Variants in FBXO30 observed in about 807,000 individuals in gnomAD.
FBXO30 encodes the protein F-box protein 30, also known as F-box only protein 30.
FBXO30 carries 21 observed loss-of-function variants against 58.1 expected under a neutral mutation model. The observed-to-expected ratio is 0.36, with a 90% CI of 0.26 to 0.52. The LOEUF (loss-of-function observed/expected upper bound fraction) is 0.52. FBXO30 is among the 20% of genes least tolerant of loss of function. The pLI is 0.93. For missense variants in FBXO30, 744 were observed against 897.3 expected (o/e 0.83, Z 2.18); for synonymous variants, 309 against 312.4 (o/e 0.99, Z 0.11).
intron 1 of FBXO30, chr6:145,809,947 T>A (rs566755448): frequency 2.0e-5 from 3 of 152,336 alleles, no homozygotes; most frequent in African/African-American, 7.2e-5. Flanking sequence ...CTGTAACTGG[T>A]GATCCAATGT....
chr6:145,814,025 C>A (rs1241172644), intron 1 of FBXO30, among the ~76,000 whole-genome samples: 2 of 152,110 alleles, frequency 1.3e-5, no homozygotes, highest in Non-Finnish European at 2.9e-5. Flanking sequence ...TGGAACAACA[C>A]AAATAACCTC....
In FBXO30 at chr6:145,805,427, G is replaced by A. The variant is rs754018447; in HGVS notation, c.979C>T (p.Pro327Ser). The A allele has an allele frequency of 1.2e-6, 2 of 1,613,846 alleles. No homozygotes were observed. Among genetic ancestry groups the A allele is most frequent in the Non-Finnish European group, 8.5e-7 (1 of 1,179,898 alleles). ...CVASSDGTSK[P>S]SSSLAVAAQL... ...GCTGCCACCGCAAGTGAGCTGGAAG[G>A]TTTTGAAGTGCCATCTGATGATGCC... Residue 327 changes from proline (P) to serine (S), a missense_variant, in exon 2 of 3, where the codon CCT becomes TCT. Around this residue, in one of 3 missense-constraint regions of FBXO30, gnomAD observed 275 missense variants for 262.0 expected, o/e 1.05. Coordinates refer to ENST00000237281, the MANE Select transcript of FBXO30 (RefSeq NM_032145.5).
At position 145,797,183 on chromosome 6, in the gene FBXO30, T is replaced by C. The variant is rs1205946768; in HGVS notation, c.*2923A>G. The C allele has an allele frequency of 6.6e-6, 1 of 151,940 alleles. No individual in the cohort carries two copies. Among genetic ancestry groups the C allele is most frequent in the African/African-American group, 2.4e-5 (1 of 41,394 alleles). The allele number at this position is 151,940 out of a possible 1,614,324, so 9.4% of individuals were successfully genotyped here. Reference sequence around the variant, plus strand: ...ACTAAAATTTGCACTGCAATTTACCTTGAACAGAAGAAACACTAGTAAAAT... The same window carrying C: ...ACTAAAATTTGCACTGCAATTTACCCTGAACAGAAGAAACACTAGTAAAAT... On this transcript the variant is annotated 3_prime_UTR_variant, in exon 3 of 3. Transcript: ENST00000237281.
intron 1 of FBXO30, among the ~76,000 whole-genome samples, chr6:145,811,774 T>C (rs771650274): frequency 5.9e-5 from 9 of 152,236 alleles, no homozygotes; most frequent in Non-Finnish European, 1.0e-4. Context: ...GTAAGGCTGA[T>C]ATAAAACTAT....
Position 145,805,474 on chromosome 6 carries a change from T to C in FBXO30, c.932A>G (p.Asn311Ser), listed in dbSNP as rs769239990. ...TGCCACACAGTCTCCATTTGTTAAG[T>C]TACTTTGTTTTGAATCACCATGTAA... ...QNLHGDSKQS[N>S]LTNGDCVASS... The change falls in exon 2 of 3, where the codon AAC becomes AGC. Residue 311 changes from asparagine (N) to serine (S), a missense_variant. Physicochemically the swap from Asn to Ser is conservative, Grantham distance 46. Coordinates refer to ENST00000237281, the MANE Select transcript of FBXO30 (RefSeq NM_032145.5). 1.2e-6 allele frequency: 2 copies of C among 1,608,192 alleles called. No homozygotes were observed.
At position 145,804,832 on chromosome 6, in the gene FBXO30, T is replaced by G; in HGVS notation, c.1574A>C (p.Gln525Pro). The change falls in exon 2 of 3, where the codon CAG (glutamine) becomes CCG (proline). Residue 525 changes from glutamine (Q) to proline (P), a missense_variant. Coordinates refer to ENST00000237281, the MANE Select transcript of FBXO30 (RefSeq NM_032145.5). ...AGAAAATTCTTTCCTTCTAAATAAC[T>G]GTCCACACACAAAGGTAAACATTGA... Reference protein sequence around the residue: ...QRSMFTFVCGQLFRRKEFSSH... With the variant: ...QRSMFTFVCGPLFRRKEFSSH... 1 of 1,613,958 alleles carries G rather than the reference T, an allele frequency of 6.2e-7. No homozygotes were observed. The highest frequency in any genetic ancestry group is 8.5e-7 in the Non-Finnish European group (1 of 1,179,902).
Position 145,797,291 on chromosome 6 carries a change from A to G in FBXO30, c.*2815T>C, listed in dbSNP as rs1777883653. 6.6e-6 allele frequency: 1 copy of G among 152,040 alleles called. No individual in the cohort carries two copies. The highest frequency in any genetic ancestry group is 2.4e-5 in the African/African-American group (1 of 41,426). 9.4% of individuals were successfully genotyped at this position (152,040 alleles called of 1,614,324 possible). ...TACAGTACCCAGTGTATTTTGTCAT[A>G]TGGCTGTAAAATTGAGACAACATAT... is the stretch of plus-strand genomic sequence containing the variant. On this transcript the variant is annotated 3_prime_UTR_variant, in exon 3 of 3. Transcript: ENST00000237281.
chr6:145,805,355 C>CTGTG lies in FBXO30; in HGVS notation c.1047_1050dup (p.Val351HisfsTer10). 1 of 1,614,096 alleles carries CTGTG rather than the reference C, an allele frequency of 6.2e-7. No homozygotes were observed. ...TCATCTGGCATGAGGATATGCTGAA[C>CTGTG]TGTGCCATTAGGCAAAGCACTGGAT... On this transcript the variant is annotated frameshift_variant, in exon 2 of 3. Transcript: ENST00000237281. LOFTEE classifies it high-confidence loss of function.
At chr6:145,812,490 A>T (rs1236580694) in intron 1 of FBXO30, among the ~76,000 whole-genome samples, 1 of 152,182 alleles carries the variant, frequency 6.6e-6, no homozygotes, top group African/African-American at 2.4e-5. Flanking sequence ...GCTTCCAAAG[A>T]GTCTCAGCTT....
intron 1 of FBXO30, among the ~76,000 whole-genome samples, chr6:145,807,229 G>T (rs1778200418): frequency 6.6e-6 from 1 of 152,188 alleles, no homozygotes; most frequent in African/African-American, 2.4e-5. Flanking sequence ...ACAGTAAAAA[G>T]TGTATCTCGT....
At position 145,805,493 on chromosome 6, in the gene FBXO30, C is replaced by G. The variant is rs1230550438; in HGVS notation, c.913G>C (p.Gly305Arg). The G allele has an allele frequency of 6.2e-7, 1 of 1,605,384 alleles. No homozygotes were observed. The highest frequency in any genetic ancestry group is 8.5e-7 in the Non-Finnish European group (1 of 1,175,384). The change falls in exon 2 of 3, where the codon GGT (glycine) becomes CGT (arginine). Residue 305 changes from glycine (G) to arginine (R), a missense_variant. This residue lies in a region of FBXO30 where 275 missense variants were observed against 262.0 expected (regional missense o/e 1.05). Coordinates refer to ENST00000237281, the MANE Select transcript of FBXO30 (RefSeq NM_032145.5). ...QVIDQNQNLHGDSKQSNLTNG... is the reference protein window; with the variant it reads ...QVIDQNQNLHRDSKQSNLTNG... ...GTTAAGTTACTTTGTTTTGAATCAC[C>G]ATGTAAATTCTGATTCTGGTCTATG... is the stretch of plus-strand genomic sequence containing the variant.
Position 145,804,632 on chromosome 6 carries a change from A to C in FBXO30, c.1774T>G (p.Cys592Gly). Residue 592 changes from cysteine to glycine, a missense_variant, in exon 2 of 3, where the codon TGT (cysteine) becomes GGT (glycine). This residue lies in a region of FBXO30 where 334 missense variants were observed against 433.7 expected (regional missense o/e 0.77). Coordinates refer to ENST00000237281, the MANE Select transcript of FBXO30 (RefSeq NM_032145.5). Reference sequence around the variant, plus strand: ...GGCTCCACTAATACTGTAGATACACATGGCTGAACTCCAAATGACCTCAAA... The same window carrying C: ...GGCTCCACTAATACTGTAGATACACCTGGCTGAACTCCAAATGACCTCAAA... ...RHLRSFGVQP[C>G]VSTVLVEPAR... 2 of 1,613,890 alleles carry C rather than the reference A, an allele frequency of 1.2e-6. No homozygotes were observed. The highest frequency in any genetic ancestry group is 1.7e-6 in the Non-Finnish European group (2 of 1,179,882).
chr6:145,813,532 TTCCTTTTG>T (rs1382198299), intron 1 of FBXO30, among the ~76,000 whole-genome samples: 1 of 152,238 alleles, frequency 6.6e-6, no homozygotes, highest in Non-Finnish European at 1.5e-5. Context: ...TGCTACTCTT[TTCCTTTTG>T]CCATGTCAAC....
At chr6:145,814,457 C>A (rs895107190) in intron 1 of FBXO30, 146 bp downstream of exon 1, 7 of 152,070 alleles carry the variant, frequency 4.6e-5, no homozygotes, top group African/African-American at 1.7e-4. Flanking sequence ...CGCCTTTCCT[C>A]TGCTCCAGGC....
rs1258417442 is a variant in FBXO30 at position 145,805,185 on chromosome 6, A to G, written c.1221T>C (p.Asp407=). 5.6e-6 allele frequency: 9 copies of G among 1,614,108 alleles called. No individual in the cohort carries two copies. The South Asian group carries it at 7.7e-5, about 14-fold the overall frequency. ...CTTCTGCAACTTCCAAATCTGATGT[A>G]TCTACTGCTTTATCTTCCTTTGGTT... is the stretch of plus-strand genomic sequence containing the variant. ...WSKPKEDKAV[D]TSDLEVAEDP... The change falls in exon 2 of 3, where the codon GAT becomes GAC. Residue 407 remains aspartate (D), a synonymous_variant. Transcript: ENST00000237281.
intron 1 of FBXO30, among the ~76,000 whole-genome samples, chr6:145,807,857 G>A (rs1778221854): frequency 6.6e-6 from 1 of 152,040 alleles, no homozygotes; most frequent in Non-Finnish European, 1.5e-5. Context: ...AATAGTCACG[G>A]TGGCTCAAAC....
chr6:145,800,503 C>A (rs1417285531), intron 2 of FBXO30, among the ~76,000 whole-genome samples, 194 bp from the exon 3 acceptor site: 1 of 152,106 alleles, frequency 6.6e-6, no homozygotes, highest in Admixed American at 6.6e-5. Context: ...TAAATCACTT[C>A]TATGACATTA....
Position 145,799,125 on chromosome 6 carries a change from C to A in FBXO30, c.*981G>T, listed in dbSNP as rs543498652. 6.6e-5 allele frequency: 10 copies of A among 151,528 alleles called. No individual in the cohort carries two copies. Among genetic ancestry groups the A allele is most frequent in the Non-Finnish European group, 1.5e-4 (10 of 67,838 alleles). 9.4% of individuals were successfully genotyped at this position (151,528 alleles called of 1,614,324 possible). A position where few individuals can be genotyped will look rare whatever the true frequency, so the allele number is the denominator to read the frequency against. On this transcript the variant is annotated 3_prime_UTR_variant, in exon 3 of 3. Coordinates refer to ENST00000237281, the MANE Select transcript of FBXO30 (RefSeq NM_032145.5). ...GAAATGTTTCAAAGAGATTGTCAACCAAGACAGGTTTCTACATGATTGTCA... is the reference window on the plus strand; with the variant it reads ...GAAATGTTTCAAAGAGATTGTCAACAAAGACAGGTTTCTACATGATTGTCA...
At chr6:145,811,498 G>C (rs1159008417) in intron 1 of FBXO30, among the ~76,000 whole-genome samples, 2 of 152,286 alleles carry the variant, frequency 1.3e-5, no homozygotes, top group South Asian at 2.1e-4. Context: ...AGAAACATAG[G>C]AGGAAGCATT....
Sources: allele counts gnomAD v4.1 joint callset (sites outside exome capture counted in the v4.1 genomes callset), GRCh38; gene constraint gnomAD v4.1.1; regional missense constraint gnomAD v4.1.1; transcripts MANE v1.5; gene names NCBI Gene and HGNC (gene_info 2026-07-23, HGNC 2026-07-21).